Variants in MTMR8 observed in about 807,000 individuals in gnomAD.
The protein encoded by MTMR8 is phosphatidylinositol-3,5-bisphosphate 3-phosphatase MTMR8.
MTMR8 carries 65 observed loss-of-function variants against 39.3 expected under a neutral mutation model. That is an observed-to-expected ratio of 1.65 (90% CI 1.35 to 2.03). The LOEUF (loss-of-function observed/expected upper bound fraction) is 2.03, where lower values mean the gene tolerates loss of function less well. MTMR8 is among the 30% of genes most tolerant of loss of function. The pLI is 0.00. For synonymous variants in MTMR8, 245 were observed against 185.2 expected, an observed-to-expected ratio of 1.32 and a Z score of -2.62; for missense variants, 777 against 538.9, an observed-to-expected ratio of 1.44 and a Z score of -4.37.
chrX:64,268,967 A>C lies in MTMR8; in HGVS notation c.1685T>G (p.Leu562Arg), dbSNP rs139691459. 56 of 1,209,891 alleles carry C rather than the reference A, an allele frequency of 4.6e-5. No individual in the cohort carries two copies. The African/African-American group carries it at 9.4e-4, about 20-fold the overall frequency. Residue 562 changes from leucine to arginine, a missense_variant, in exon 14 of 14, where the codon CTG becomes CGG. Transcript: ENST00000374852. ...SQLGNILSQHLGSPLTNPLGF... is the reference protein window; with the variant it reads ...SQLGNILSQHRGSPLTNPLGF... ...AAGAGGATTGGTCAAAGGACTTCCC[A>C]GATGCTGGGATAATATGTTTCCTAA...
chrX:64,269,924 A>G (rs1931721216), intron 13 of MTMR8, among the ~76,000 whole-genome samples: 2 of 111,635 alleles, frequency 1.8e-5, no homozygotes, highest in African/African-American at 6.5e-5. Context: ...TTCTAGAGTG[A>G]TCTGGGTATA....
intron 12 of MTMR8, chrX:64,305,802 TC>T (rs1198849780): frequency 4.2e-5 from 15 of 360,509 alleles, no homozygotes; most frequent in Non-Finnish European, 7.3e-5. Context: ...TGGTGGTGGC[TC>T]TTTGTGGTGA....
intron 12 of MTMR8, among the ~76,000 whole-genome samples, chrX:64,273,916 T>C (rs1931817924): frequency 8.9e-6 from 1 of 111,892 alleles, no homozygotes; most frequent in African/African-American, 3.2e-5. Context: ...ATAACAATTA[T>C]AAATGTATAT....
At position 64,360,966 on chromosome X, in the gene MTMR8, C is replaced by A. The variant is rs1179162169; in HGVS notation, c.25-1439G>T. ...GAATCCTCCTCCACAGATACACACACATAGCCTGAACAGAAAAGATTAACA... is the reference window on the plus strand; with the variant it reads ...GAATCCTCCTCCACAGATACACACAAATAGCCTGAACAGAAAAGATTAACA... On this transcript the variant is annotated intron_variant, in intron 1 of 13. Transcript: ENST00000374852. 2.7e-5 allele frequency among the ~76,000 whole-genome samples: 3 copies of A among 111,344 alleles called. No individual in the cohort carries two copies. The Admixed American group carries it at 2.9e-4, about 11-fold the overall frequency.
intron 12 of MTMR8, among the ~76,000 whole-genome samples, chrX:64,308,320 ATTTTTTTTTTT>A (rs778962275): frequency 2.9e-5 from 2 of 69,608 alleles, no homozygotes; most frequent in African/African-American, 6.5e-5. Flanking sequence ...ACGGCTGGCT[ATTTTTTTTTTT>A]TTTTTTTTTT....
intron 12 of MTMR8, among the ~76,000 whole-genome samples, chrX:64,296,437 A>C (rs1921584965): frequency 9.0e-6 from 1 of 110,722 alleles, no homozygotes; most frequent in Admixed American, 9.7e-5. Context: ...CTGTACACTT[A>C]AAATGGTTAA....
At position 64,268,199 on chromosome X, in the gene MTMR8, T is replaced by C; in HGVS notation, c.*338A>G. Reference sequence around the variant, plus strand: ...CAATATTTCCACTTCACTTTCACATTACTGCAGTGAGGATAGAAAATAGGG... The same window carrying C: ...CAATATTTCCACTTCACTTTCACATCACTGCAGTGAGGATAGAAAATAGGG... On this transcript the variant is annotated 3_prime_UTR_variant, in exon 14 of 14. Coordinates refer to ENST00000374852, the MANE Select transcript of MTMR8 (RefSeq NM_017677.4). 4.4e-6 allele frequency: 1 copy of C among 228,617 alleles called. No homozygotes were observed. Among genetic ancestry groups the C allele is most frequent in the Non-Finnish European group, 7.8e-6 (1 of 127,494 alleles). 18.8% of individuals were successfully genotyped at this position (228,617 alleles called of 1,213,427 possible).
chrX:64,305,027 C>T (rs1362250390), intron 12 of MTMR8: 1 of 161,636 alleles, frequency 6.2e-6, no homozygotes, highest in African/African-American at 3.3e-5. Flanking sequence ...TTGTACCTAA[C>T]TTCCACAATA....
At chrX:64,393,980 G>A (rs1473826072) in intron 1 of MTMR8, among the ~76,000 whole-genome samples, 5 of 112,034 alleles carry the variant, frequency 4.5e-5, no homozygotes, top group African/African-American at 6.5e-5. Flanking sequence ...CTGTTTTCAC[G>A]CTGCTGATGA....
chrX:64,332,397 G>T (rs1922966307), intron 10 of MTMR8, among the ~76,000 whole-genome samples: 1 of 111,611 alleles, frequency 9.0e-6, no homozygotes, highest in African/African-American at 3.3e-5. Flanking sequence ...TCTACCTTCT[G>T]ATATAATTAC....
At chrX:64,379,861 T>C (rs1924364743) in intron 1 of MTMR8, among the ~76,000 whole-genome samples, 1 of 111,532 alleles carries the variant, frequency 9.0e-6, no homozygotes, top group South Asian at 3.7e-4. Context: ...TCCAGGTATG[T>C]AATGTTGGTT....
intron 2 of MTMR8, 143 bp from the exon 3 acceptor site, chrX:64,356,481 A>G: frequency 4.0e-6 from 2 of 505,557 alleles, no homozygotes; most frequent in Non-Finnish European, 3.2e-6. Context: ...TTTGTAAGAC[A>G]CAACTGGGGT....
At chrX:64,275,664 AAAAG>A (rs1308441118) in intron 12 of MTMR8, among the ~76,000 whole-genome samples, 5 of 109,847 alleles carry the variant, frequency 4.6e-5, no homozygotes, top group Admixed American at 1.9e-4. Flanking sequence ...AAAAAAAAAA[AAAAG>A]AAAGAAACTA....
At chrX:64,316,359 T>C (rs985535610) in intron 12 of MTMR8, among the ~76,000 whole-genome samples, 2 of 112,368 alleles carry the variant, frequency 1.8e-5, no homozygotes, top group African/African-American at 3.2e-5. Context: ...CTAAAGAATA[T>C]TTTTGGGCCA....
intron 12 of MTMR8, among the ~76,000 whole-genome samples, chrX:64,295,044 G>T (rs1921526495): frequency 9.0e-6 from 1 of 110,693 alleles, no homozygotes; most frequent in Non-Finnish European, 1.9e-5. Context: ...TGGTAAAGAA[G>T]ATCCAACATT....
At chrX:64,276,190 T>A (rs1931868582) in intron 12 of MTMR8, among the ~76,000 whole-genome samples, 1 of 111,336 alleles carries the variant, frequency 9.0e-6, no homozygotes, top group Non-Finnish European at 1.9e-5. Flanking sequence ...TCTCCTTCAG[T>A]TCTGATCTGA....
Position 64,337,372 on chromosome X carries a change from T to G in MTMR8, c.997A>C (p.Ser333Arg). Residue 333 changes from serine (S) to arginine (R), a missense_variant, in exon 9 of 14, where the codon AGT becomes CGT. Transcript: ENST00000374852. ...ITKAVKVEKA[S>R]VLVHCSDGWD... ...CCATCAGAACAATGGACTAAGACAC[T>G]GGCCTTTTCTACCTTCACTGCCTGT... 3.3e-6 allele frequency: 4 copies of G among 1,209,657 alleles called. No individual in the cohort carries two copies. Among genetic ancestry groups the G allele is most frequent in the Non-Finnish European group, 4.5e-6 (4 of 894,542 alleles).
At chrX:64,366,421 GCAAT>G (rs1923959925) in intron 1 of MTMR8, among the ~76,000 whole-genome samples, 1 of 112,197 alleles carries the variant, frequency 8.9e-6, no homozygotes, top group Non-Finnish European at 1.9e-5. Context: ...AGACCACAGT[GCAAT>G]CAAATTAGAA....
At chrX:64,382,877 C>T (rs1199863223) in intron 1 of MTMR8, among the ~76,000 whole-genome samples, 1 of 111,147 alleles carries the variant, frequency 9.0e-6, no homozygotes, top group Non-Finnish European at 1.9e-5. Flanking sequence ...TTGGTCCCAC[C>T]CCTAGATATT....
Sources: allele counts gnomAD v4.1 joint callset (sites outside exome capture counted in the v4.1 genomes callset), GRCh38; gene constraint gnomAD v4.1.1; transcripts MANE v1.5; gene names NCBI Gene and HGNC (gene_info 2026-07-23, HGNC 2026-07-21).